The following F8 variants were observed in gnomAD, a reference collection of about 807,000 sequenced individuals.
The protein encoded by F8 is antihemophilic factor.
Under a neutral mutation model 140.6 loss-of-function variants are expected in F8, and 12 were observed. The observed-to-expected ratio is 0.09, with a 90% CI of 0.05 to 0.14. The LOEUF (loss-of-function observed/expected upper bound fraction) is 0.14. F8 is among the 10% of genes least tolerant of loss of function. The pLI, the probability that F8 is intolerant of heterozygous loss-of-function variation, is 1.00. For missense variants in F8, 1,354 were observed against 1,720.7 expected (o/e 0.79, Z 3.77); for synonymous variants, 585 against 614.6 (o/e 0.95, Z 0.71).
At chrX:154,842,078 G>GA (rs1430820296) in intron 25 of F8, among the ~76,000 whole-genome samples, 1 of 111,625 alleles carries the variant, frequency 9.0e-6, no homozygotes, top group Non-Finnish European at 1.9e-5. Context: ...ACTAAGTTTG[G>GA]AAAATTAGGT....
At chrX:154,935,172 A>C (rs1557279105) in intron 13 of F8, among the ~76,000 whole-genome samples, 1 of 111,185 alleles carries the variant, frequency 9.0e-6, no homozygotes, top group Admixed American at 9.6e-5. Context: ...CAAAAAGAGA[A>C]AGGAACAACA....
chrX:154,957,626 T>C (rs782707408), intron 10 of F8, among the ~76,000 whole-genome samples: 2 of 111,486 alleles, frequency 1.8e-5, no homozygotes, highest in East Asian at 5.6e-4. Flanking sequence ...CAGTAAGTTA[T>C]GCCTGACCTA....
intron 12 of F8, among the ~76,000 whole-genome samples, chrX:154,951,151 C>G (rs782355614): frequency 8.9e-6 from 1 of 112,197 alleles, no homozygotes; most frequent in South Asian, 3.7e-4. Context: ...CATGTGCCTT[C>G]TATCTTCTAA....
Position 154,983,189 on chromosome X carries a change from C to T in F8, c.787+1498G>A, listed in dbSNP as rs191111705. ...ATTGTGTTTATAATTTTTATGAGCA[C>T]GTTTTGTTATGATTGTTTTTCATAG... On this transcript the variant is annotated intron_variant, in intron 6 of 25. Transcript: ENST00000360256. Among the ~76,000 whole-genome samples the T allele has an allele frequency of 2.1e-4, 23 of 111,731 alleles. No individual in the cohort carries two copies. The East Asian group carries it at 4.7e-3, about 23-fold the overall frequency.
chrX:154,841,087 C>G (rs1258416565), intron 25 of F8, among the ~76,000 whole-genome samples: 1 of 110,794 alleles, frequency 9.0e-6, no homozygotes, highest in Non-Finnish European at 1.9e-5. Context: ...GTACCCTCTA[C>G]TGTTGATAAA....
chrX:154,943,969 T>G (rs1215771454), intron 13 of F8, among the ~76,000 whole-genome samples: 2 of 111,776 alleles, frequency 1.8e-5, no homozygotes, highest in East Asian at 2.8e-4. Flanking sequence ...TAGCCATATG[T>G]AGAAAGCTGA....
In F8 at chrX:154,921,593, G is replaced by A. The variant is rs782610961; in HGVS notation, c.5219+6978C>T. Among the ~76,000 whole-genome samples, 176 of 111,162 alleles carry A rather than the reference G, an allele frequency of 1.6e-3. 4 individuals carry two copies. In the South Asian group the frequency reaches 0.04, roughly 25 times the overall value. ...ACACATGCACACGTATATTTATTGC[G>A]GCACTATTCACAATAGCAAAGACTT... is the stretch of plus-strand genomic sequence containing the variant. On this transcript the variant is annotated intron_variant, in intron 14 of 25. Transcript: ENST00000360256.
At chrX:154,909,037 G>A (rs1255519116) in intron 14 of F8, 5 of 228,004 alleles carry the variant, frequency 2.2e-5, no homozygotes, top group South Asian at 6.2e-5. Flanking sequence ...TTCCGTTGGC[G>A]AGTCATTTTC....
At chrX:154,846,861 G>T (rs1231645850) in intron 25 of F8, among the ~76,000 whole-genome samples, 2 of 111,934 alleles carry the variant, frequency 1.8e-5, no homozygotes, top group African/African-American at 3.3e-5. Context: ...ATTAGTTGAT[G>T]CAGTTTCTTC....
intron 6 of F8, among the ~76,000 whole-genome samples, chrX:154,981,764 G>GT (rs1166543573): frequency 1.2e-4 from 13 of 110,698 alleles, no homozygotes; most frequent in African/African-American, 2.0e-4. Flanking sequence ...CTTATATGCA[G>GT]TTTTTTTTCA....
intron 1 of F8, among the ~76,000 whole-genome samples, chrX:155,017,868 CT>C (rs1188824237): frequency 8.1e-5 from 9 of 110,468 alleles, no homozygotes; most frequent in Non-Finnish European, 1.1e-4. Flanking sequence ...AGAGATACTG[CT>C]TTTTTTTATT....
At chrX:154,839,707 AT>A (rs1269102294) in intron 25 of F8, among the ~76,000 whole-genome samples, 1 of 110,891 alleles carries the variant, frequency 9.0e-6, no homozygotes, top group Non-Finnish European at 1.9e-5. Flanking sequence ...ATCTCAACTT[AT>A]TTGTTTCCTT....
chrX:155,011,228 T>G (rs782340290), intron 1 of F8, among the ~76,000 whole-genome samples: 5 of 111,943 alleles, frequency 4.5e-5, no homozygotes, highest in African/African-American at 6.5e-5. Flanking sequence ...AATAATCCAA[T>G]TAAAAACACG....
rs782019600 is a variant in F8, at chrX:154,930,829, C to T, written c.2961G>A (p.Glu987=). Residue 987 remains glutamate, a synonymous_variant, in exon 14 of 26, where the codon GAG becomes GAA. Transcript: ENST00000360256. ...TTTTCCCTTTAAATAACCTACCACT[C>T]TCTGTTGACGATACATTTTTTCCCC... ...SSWGKNVSST[E]SGRLFKGKRA... is the part of the protein sequence containing the mutation. 1.5e-5 allele frequency: 18 copies of T among 1,208,349 alleles called. No individual in the cohort carries two copies. Among genetic ancestry groups the T allele is most frequent in the Non-Finnish European group, 3.4e-6 (3 of 893,974 alleles).
Position 154,854,590 on chromosome X carries a change from T to TTGTGTGTG in F8, c.6900+5834_6900+5841dup, listed in dbSNP as rs112995374. ...CTCCATAATCACATGAGCTAATTCC[T>TTGTGTGTG]TGTGTGTGTGTGTGTGTGTGTGTGT... On this transcript the variant is annotated intron_variant, in intron 25 of 25. Coordinates refer to ENST00000360256, the MANE Select transcript of F8 (RefSeq NM_000132.4). Among the ~76,000 whole-genome samples the TTGTGTGTG allele has an allele frequency of 7.9e-4, 79 of 100,460 alleles. 1 individual carries two copies. The highest frequency in any genetic ancestry group is 1.4e-3 in the South Asian group (3 of 2,080). 87.2% of individuals were successfully genotyped at this position (100,460 alleles called of 115,157 possible). A position where few individuals can be genotyped will look rare whatever the true frequency, so the allele number is the denominator to read the frequency against.
chrX:154,929,172 C>T lies in F8; in HGVS notation c.4618G>A (p.Val1540Met), dbSNP rs1265235170. ...GTTCCCTGAAGAAGGCTCCCTTCCACGAGATCCAGATGGCCAGGAGACCCA... is the reference window on the plus strand; with the variant it reads ...GTTCCCTGAAGAAGGCTCCCTTCCATGAGATCCAGATGGCCAGGAGACCCA... ...SNGSPGHLDL[V>M]EGSLLQGTEG... is the part of the protein sequence containing the mutation. The change falls in exon 14 of 26, where the codon GTG (valine) becomes ATG (methionine). Residue 1540 changes from valine (V) to methionine (M), a missense_variant. This residue lies in a region of F8 where 658 missense variants were observed against 666.5 expected (regional missense o/e 0.99). Transcript: ENST00000360256. 7.4e-6 allele frequency: 9 copies of T among 1,209,860 alleles called. No individual in the cohort carries two copies. The highest frequency in any genetic ancestry group is 2.3e-4 in the Middle Eastern group (1 of 4,374).
At chrX:154,921,406 T>C (rs2073129356) in intron 14 of F8, among the ~76,000 whole-genome samples, 2 of 111,632 alleles carry the variant, frequency 1.8e-5, no homozygotes, top group South Asian at 3.8e-4. Flanking sequence ...TGTGGAGAAA[T>C]AGGAACACTT....
In F8 at chrX:155,013,425, C is replaced by A. The variant is rs1280326032; in HGVS notation, c.143+8985G>T. Among the ~76,000 whole-genome samples, 6 of 111,315 alleles carry A rather than the reference C, an allele frequency of 5.4e-5. No individual in the cohort carries two copies. In the Admixed American group the frequency reaches 5.7e-4, roughly 11 times the overall value. On this transcript the variant is annotated intron_variant, in intron 1 of 25. Coordinates refer to ENST00000360256, the MANE Select transcript of F8 (RefSeq NM_000132.4). ...CATATAAGATGTGTCTTTGCTCCTCCTTTGCCTTCCACCATGATTGTGAGG... is the reference window on the plus strand; with the variant it reads ...CATATAAGATGTGTCTTTGCTCCTCATTTGCCTTCCACCATGATTGTGAGG...
At chrX:154,967,959 T>C (rs181434587) in intron 7 of F8, among the ~76,000 whole-genome samples, 36 of 111,739 alleles carry the variant, frequency 3.2e-4, no homozygotes, top group Admixed American at 3.0e-3. Context: ...CATGGCAAGA[T>C]CAATTCTCTT....
Sources: gnomAD v4.1 joint callset for allele counts (sites outside exome capture counted in the v4.1 genomes callset) on GRCh38, gnomAD v4.1.1 for gene constraint, gnomAD v4.1.1 regional missense constraint, MANE v1.5 for transcripts, NCBI Gene and HGNC (gene_info 2026-07-23, HGNC 2026-07-21) for gene names.